The following ADAMTSL1 variants were observed in gnomAD, a reference collection of about 807,000 sequenced individuals.
The protein encoded by ADAMTSL1 is ADAMTS like 1, also known as ADAMTS-like protein 1.
Under a neutral mutation model 201.8 loss-of-function variants are expected in ADAMTSL1, and 126 were observed. That is an observed-to-expected ratio of 0.62 (90% confidence interval 0.54 to 0.72). ADAMTSL1 has a LOEUF of 0.72. Among genes scored for constraint, ADAMTSL1 ranks in the 30% least tolerant of loss-of-function variants. The pLI, the probability that ADAMTSL1 is intolerant of heterozygous loss-of-function variation, is 0.00. For missense variants in ADAMTSL1, 2,679 were observed against 2,277.8 expected (o/e 1.18, Z -3.59); for synonymous variants, 1,121 against 903.4 (o/e 1.24, Z -4.32).
At chr9:18,689,927 T>C (rs1005521549) in intron 13 of ADAMTSL1, among the ~76,000 whole-genome samples, 6 of 152,240 alleles carry the variant, frequency 3.9e-5, no homozygotes, top group Admixed American at 1.3e-4. Flanking sequence ...GAGACTATGT[T>C]TGTGCTTCAA....
intron 2 of ADAMTSL1, among the ~76,000 whole-genome samples, chr9:18,213,053 C>G (rs150800733): frequency 6.6e-6 from 1 of 152,190 alleles, no homozygotes. Context: ...TGACTTAATG[C>G]AAGACTTGAC....
In ADAMTSL1 at chr9:18,910,295, A is replaced by G. The variant is rs1830530180; in HGVS notation, c.*1747A>G. On this transcript the variant is annotated 3_prime_UTR_variant, in exon 29 of 29. Coordinates refer to ENST00000380548, the MANE Select transcript of ADAMTSL1 (RefSeq NM_001040272.6). ...TTTAAAATAAAAAAGAATGTTTTCTATGTCTGTATATCTTTTGTGAATATT... is the reference window on the plus strand; with the variant it reads ...TTTAAAATAAAAAAGAATGTTTTCTGTGTCTGTATATCTTTTGTGAATATT... The G allele has an allele frequency of 6.6e-6, 1 of 152,194 alleles. No homozygotes were observed. Among genetic ancestry groups the G allele is most frequent in the Non-Finnish European group, 1.5e-5 (1 of 68,028 alleles). 9.4% of individuals were successfully genotyped at this position (152,194 alleles called of 1,614,324 possible).
intron 2 of ADAMTSL1, among the ~76,000 whole-genome samples, chr9:18,325,588 T>G (rs891491587): frequency 6.6e-6 from 1 of 152,134 alleles, no homozygotes; most frequent in African/African-American, 2.4e-5. Context: ...GAATGGAAAT[T>G]TATTTCTCAC....
chr9:18,055,569 C>T (rs539136595), intron 1 of ADAMTSL1, among the ~76,000 whole-genome samples: 12 of 152,336 alleles, frequency 7.9e-5, no homozygotes, highest in African/African-American at 2.9e-4. Context: ...GTGATGTTTG[C>T]TTTTCTATGG....
intron 2 of ADAMTSL1, among the ~76,000 whole-genome samples, chr9:18,172,765 A>G (rs1041250953): frequency 3.3e-5 from 5 of 152,274 alleles, no homozygotes; most frequent in African/African-American, 1.2e-4. Context: ...TACAATAAAC[A>G]CTATATAAAT....
intron 20 of ADAMTSL1, among the ~76,000 whole-genome samples, chr9:18,796,019 T>C (rs1394941826): frequency 2.6e-5 from 4 of 152,212 alleles, no homozygotes; most frequent in Non-Finnish European, 5.9e-5. Flanking sequence ...TATTTCATCC[T>C]CTTGCTCTAA....
intron 2 of ADAMTSL1, among the ~76,000 whole-genome samples, chr9:18,399,142 G>C (rs982534964): frequency 2.0e-5 from 3 of 151,458 alleles, no homozygotes; most frequent in African/African-American, 4.9e-5. Context: ...AGCCACATCT[G>C]TTCACTGCCA....
intron 2 of ADAMTSL1, among the ~76,000 whole-genome samples, chr9:18,168,128 T>A (rs1827717155): frequency 1.3e-5 from 2 of 152,074 alleles, no homozygotes; most frequent in South Asian, 4.1e-4. Context: ...GTTTTTTTTT[T>A]AATACTTTAA....
chr9:17,959,321 G>A (rs1356857226), intron 1 of ADAMTSL1, among the ~76,000 whole-genome samples: 1 of 151,966 alleles, frequency 6.6e-6, no homozygotes, highest in African/African-American at 2.4e-5. Context: ...CTGCTATTTT[G>A]GCGTTTTTGT....
intron 3 of ADAMTSL1, among the ~76,000 whole-genome samples, chr9:18,538,264 G>T (rs1413976734): frequency 6.6e-6 from 1 of 152,074 alleles, no homozygotes; most frequent in Non-Finnish European, 1.5e-5. Context: ...CTAAGTTACG[G>T]TGCCTCATCC....
At chr9:18,461,808 T>A (rs1820818016) in intron 2 of ADAMTSL1, among the ~76,000 whole-genome samples, 1 of 152,152 alleles carries the variant, frequency 6.6e-6, no homozygotes, top group Non-Finnish European at 1.5e-5. Context: ...ATCCGTTGAC[T>A]AACAGTTAGA....
intron 13 of ADAMTSL1, among the ~76,000 whole-genome samples, chr9:18,690,367 G>T (rs1000392522): frequency 2.0e-5 from 3 of 151,892 alleles, no homozygotes; most frequent in African/African-American, 7.3e-5. Flanking sequence ...AATTTTAATT[G>T]TGTGACATGT....
chr9:18,158,579 A>G (rs1468536612), intron 1 of ADAMTSL1, among the ~76,000 whole-genome samples: 1 of 152,052 alleles, frequency 6.6e-6, no homozygotes, highest in Admixed American at 6.6e-5. Flanking sequence ...ATCACAAGTG[A>G]AATTTACTGA....
intron 2 of ADAMTSL1, among the ~76,000 whole-genome samples, chr9:18,433,145 T>C (rs959348659): frequency 6.6e-6 from 1 of 152,096 alleles, no homozygotes; most frequent in African/African-American, 2.4e-5. Flanking sequence ...TGAGTAGGCT[T>C]TTATAAACCC....
At chr9:17,945,281 A>G (rs1297190897) in intron 1 of ADAMTSL1, among the ~76,000 whole-genome samples, 2 of 129,990 alleles carry the variant, frequency 1.5e-5, no homozygotes, top group Non-Finnish European at 3.2e-5. Context: ...ATCTCACACC[A>G]GTTAGAATGG....
rs1409972058 is a variant in ADAMTSL1, at chr9:18,006,727, C to T, written c.87+99805C>T. On this transcript the variant is annotated intron_variant, in intron 1 of 29. Coordinates refer to the ADAMTSL1 transcript ENST00000680146. ...TTCTAGCTCTCACATTCTATGTGTT[C>T]TAATGACCAGAAGCAGAGTCTGTGA... is the stretch of plus-strand genomic sequence containing the variant. Among the ~76,000 whole-genome samples the T allele has an allele frequency of 1.1e-4, 17 of 151,964 alleles. No homozygotes were observed. In the East Asian group the frequency reaches 3.3e-3, roughly 30 times the overall value.
At chr9:18,203,275 C>T (rs555602101) in intron 2 of ADAMTSL1, among the ~76,000 whole-genome samples, 19 of 152,026 alleles carry the variant, frequency 1.2e-4, no homozygotes, top group African/African-American at 1.7e-4. Flanking sequence ...CTATATTCAC[C>T]GGCTGACGCT....
At chr9:18,177,643 C>T (rs1427766199) in intron 2 of ADAMTSL1, among the ~76,000 whole-genome samples, 2 of 152,178 alleles carry the variant, frequency 1.3e-5, no homozygotes, top group African/African-American at 4.8e-5. Context: ...GAGCTCCAGT[C>T]ATTACACCTA....
intron 1 of ADAMTSL1, among the ~76,000 whole-genome samples, chr9:18,092,154 G>A (rs1824050880): frequency 6.6e-6 from 1 of 152,016 alleles, no homozygotes; most frequent in Non-Finnish European, 1.5e-5. Context: ...CTCGGCTCTG[G>A]GGAAAATGAA....
Sources: allele counts gnomAD v4.1 joint callset (sites outside exome capture counted in the v4.1 genomes callset), GRCh38; gene constraint gnomAD v4.1.1; transcripts MANE v1.5; gene names NCBI Gene and HGNC (gene_info 2026-07-23, HGNC 2026-07-21).